DYNLT5: variants seen among roughly 807,000 people sequenced by gnomAD.
DYNLT5 encodes the protein dynein light chain Tctex-type family member 5, also known as dynein light chain Tctex-type 5.
In DYNLT5, 25 loss-of-function variants were observed where a neutral mutation model predicts 19.3. The observed-to-expected ratio is 1.30, with a 90% CI of 0.95 to 1.81. The LOEUF (loss-of-function observed/expected upper bound fraction) is 1.81, where lower values mean the gene tolerates loss of function less well. Ranked by LOEUF, DYNLT5 falls within the 40% of genes most tolerant of loss-of-function variation. DYNLT5 has a pLI of 0.00. For synonymous variants in DYNLT5, 82 were observed against 68.9 expected, an observed-to-expected ratio of 1.19 and a Z score of -0.94; for missense variants, 232 against 217.9, an observed-to-expected ratio of 1.06 and a Z score of -0.41.
At chr1:66,763,983 G>A (rs2094650243) in intron 2 of DYNLT5, among the ~76,000 whole-genome samples, 2 of 151,978 alleles carry the variant, frequency 1.3e-5, no homozygotes, top group South Asian at 2.1e-4. Context: ...TCAAGAGTTC[G>A]AGACCAGCCT....
At chr1:66,770,733 C>T (rs1645198892) in intron 3 of DYNLT5, 1 of 532,744 alleles carries the variant, frequency 1.9e-6, no homozygotes, top group Admixed American at 2.8e-5. Context: ...ATACAGTATA[C>T]TACTGACTTA....
chr1:66,770,022 A>T (rs1376323597), intron 2 of DYNLT5, among the ~76,000 whole-genome samples: 1 of 152,064 alleles, frequency 6.6e-6, no homozygotes, highest in African/African-American at 2.4e-5. Context: ...AGCTTTATCT[A>T]CTTTGAGGAG....
At chr1:66,762,326 T>C (rs1191059475) in intron 2 of DYNLT5, among the ~76,000 whole-genome samples, 1 of 152,232 alleles carries the variant, frequency 6.6e-6, no homozygotes, top group Admixed American at 6.5e-5. Flanking sequence ...GTCCTCTTTC[T>C]AGCTCTTTGA....
intron 3 of DYNLT5, chr1:66,770,818 C>T: frequency 3.2e-6 from 1 of 310,358 alleles, no homozygotes; most frequent in Non-Finnish European, 6.2e-6. Flanking sequence ...TTTTATCCAA[C>T]AAAACCAATC....
chr1:66,754,865 C>T, intron 2 of DYNLT5, 88 bp downstream of exon 2: 2 of 1,358,098 alleles, frequency 1.5e-6, no homozygotes. Context: ...TCCTCGGGGA[C>T]ATAAAAAGAG....
chr1:66,756,762 C>G (rs908499187), intron 2 of DYNLT5, among the ~76,000 whole-genome samples: 4 of 152,200 alleles, frequency 2.6e-5, no homozygotes, highest in Non-Finnish European at 5.9e-5. Context: ...AGACCCCTAT[C>G]TACTTCCATA....
intron 2 of DYNLT5, among the ~76,000 whole-genome samples, chr1:66,767,717 A>C (rs759946967): frequency 6.6e-6 from 1 of 152,238 alleles, no homozygotes; most frequent in Non-Finnish European, 1.5e-5. Flanking sequence ...ATAAGTCTGA[A>C]GAGAGGAAGT....
intron 1 of DYNLT5, among the ~76,000 whole-genome samples, chr1:66,754,291 T>C (rs1268941396): frequency 3.3e-5 from 5 of 152,200 alleles, no homozygotes; most frequent in African/African-American, 1.2e-4. Context: ...AGTTGTATTA[T>C]GGTTACATTT....
Position 66,777,343 on chromosome 1 carries a change from T to C in DYNLT5, c.429T>C (p.Leu143=). 6.2e-7 allele frequency: 1 copy of C among 1,613,926 alleles called. No homozygotes were observed. Among genetic ancestry groups the C allele is most frequent in the Non-Finnish European group, 8.5e-7 (1 of 1,179,890 alleles). ...GACAACTGAACAGGCAGAGCATACT[T>C]ATTGGAAGCAGATGCCTCTGGGATC... The part of the protein sequence containing the change: ...HIGQLNRQSI[L]IGSRCLWDPK... Residue 143 remains leucine, a synonymous_variant, in exon 5 of 5, where the codon CTT becomes CTC. Coordinates refer to ENST00000282670, the MANE Select transcript of DYNLT5 (RefSeq NM_152665.3).
At chr1:66,757,555 C>T (rs2094638436) in intron 2 of DYNLT5, among the ~76,000 whole-genome samples, 2 of 151,982 alleles carry the variant, frequency 1.3e-5, no homozygotes, top group African/African-American at 4.8e-5. Flanking sequence ...TGTCTGAGTC[C>T]AGACAGTACA....
chr1:66,753,603 A>G (rs1242791233), intron 1 of DYNLT5, among the ~76,000 whole-genome samples: 1 of 152,212 alleles, frequency 6.6e-6, no homozygotes, highest in Non-Finnish European at 1.5e-5. Context: ...GTTAATTTTA[A>G]TTTTTATTTA....
chr1:66,756,999 C>T (rs1163637220), intron 2 of DYNLT5, among the ~76,000 whole-genome samples: 1 of 152,256 alleles, frequency 6.6e-6, no homozygotes, highest in African/African-American at 2.4e-5. Context: ...TCTAATTACT[C>T]ATCTATGACC....
chr1:66,760,386 A>G lies in DYNLT5; in HGVS notation c.119+5609A>G, dbSNP rs74684339. 5.0e-3 allele frequency among the ~76,000 whole-genome samples: 764 copies of G among 152,284 alleles called. 3 individuals carry two copies. The highest frequency in any genetic ancestry group is 0.018 in the African/African-American group (733 of 41,556). On this transcript the variant is annotated intron_variant, in intron 2 of 4. Coordinates refer to ENST00000282670, the MANE Select transcript of DYNLT5 (RefSeq NM_152665.3). The stretch of plus-strand genomic sequence containing the variant: ...TACATATTTTGTGATCATCGAATGA[A>G]TAATTGTTGCATTTTATCAATTCCT...
chr1:66,771,487 G>C (rs1645204278), intron 3 of DYNLT5, among the ~76,000 whole-genome samples: 1 of 152,184 alleles, frequency 6.6e-6, no homozygotes, highest in African/African-American at 2.4e-5. Context: ...TCCAATCAAA[G>C]ACTTTGAGAT....
chr1:66,773,065 A>G (rs994941488), intron 3 of DYNLT5, among the ~76,000 whole-genome samples: 1 of 152,176 alleles, frequency 6.6e-6, no homozygotes, highest in Non-Finnish European at 1.5e-5. Context: ...AAAGTGACTG[A>G]CTCAAGGACC....
chr1:66,769,871 G>A (rs1452240151), intron 2 of DYNLT5, among the ~76,000 whole-genome samples: 1 of 152,090 alleles, frequency 6.6e-6, no homozygotes, highest in Admixed American at 6.5e-5. Flanking sequence ...CCACGTAGAT[G>A]AGTTTCTCAT....
In DYNLT5 at chr1:66,778,593, T is replaced by A. The variant is rs926813161; in HGVS notation, c.*1139T>A. ...CACATATGGAGAAAATTAGCAATGC[T>A]GTAGTCTTAAGGAAAAAATGATTTA... On this transcript the variant is annotated 3_prime_UTR_variant, in exon 5 of 5. Coordinates refer to ENST00000282670, the MANE Select transcript of DYNLT5 (RefSeq NM_152665.3). 1 of 152,640 alleles carries A rather than the reference T, an allele frequency of 6.6e-6. No individual in the cohort carries two copies. Among genetic ancestry groups the A allele is most frequent in the African/African-American group, 2.4e-5 (1 of 41,452 alleles). The allele number at this position is 152,640 out of a possible 1,614,324, so 9.5% of individuals were successfully genotyped here. A position where few individuals can be genotyped will look rare whatever the true frequency, so the allele number is the denominator to read the frequency against.
Position 66,770,481 on chromosome 1 carries a change from G to A in DYNLT5, c.211+3G>A, listed in dbSNP as rs2150866622. On this transcript the variant is annotated splice_donor_region_variant and intron_variant, in intron 3 of 4. Coordinates refer to ENST00000282670, the MANE Select transcript of DYNLT5 (RefSeq NM_152665.3). ...GATGGAAAACACCTATCAGTTGGGTGTGTTCTTTTATCTCTCACTCCTATT... is the reference window on the plus strand; with the variant it reads ...GATGGAAAACACCTATCAGTTGGGTATGTTCTTTTATCTCTCACTCCTATT... The A allele has an allele frequency of 6.2e-7, 1 of 1,608,158 alleles. No individual in the cohort carries two copies. Among genetic ancestry groups the A allele is most frequent in the Non-Finnish European group, 8.5e-7 (1 of 1,174,898 alleles).
At chr1:66,772,676 GC>G (rs2150867753) in intron 3 of DYNLT5, among the ~76,000 whole-genome samples, 1 of 152,208 alleles carries the variant, frequency 6.6e-6, no homozygotes, top group African/African-American at 2.4e-5. Flanking sequence ...AATAATGTTT[GC>G]CTCATCTAAA....
Sources: gnomAD v4.1 joint callset for allele counts (sites outside exome capture counted in the v4.1 genomes callset) on GRCh38, gnomAD v4.1.1 for gene constraint, MANE v1.5 for transcripts, NCBI Gene and HGNC (gene_info 2026-07-23, HGNC 2026-07-21) for gene names.